Variants in CNTN4 observed in about 807,000 individuals in gnomAD.
CNTN4 encodes contactin 4.
In CNTN4, 77 loss-of-function variants were observed where a neutral mutation model predicts 122.5. That is an observed-to-expected ratio of 0.63 (90% CI 0.52 to 0.76). The LOEUF is 0.76. CNTN4 is among the 30% of genes least tolerant of loss of function. CNTN4 has a pLI of 0.00. For synonymous variants in CNTN4, 512 were observed against 447.0 expected, an observed-to-expected ratio of 1.15 and a Z score of -1.83; for missense variants, 1,256 against 1,259.1, an observed-to-expected ratio of 1.00 and a Z score of 0.04.
chr3:2,497,898 A>C (rs1249308417), intron 3 of CNTN4, among the ~76,000 whole-genome samples: 6 of 152,062 alleles, frequency 3.9e-5, no homozygotes, highest in Non-Finnish European at 5.9e-5. Flanking sequence ...ATAGACCATA[A>C]ATATGAGTTG....
intron 6 of CNTN4, among the ~76,000 whole-genome samples, chr3:2,781,644 A>G (rs2091570381): frequency 6.6e-6 from 1 of 151,812 alleles, no homozygotes; most frequent in East Asian, 1.9e-4. Context: ...AAATACATTT[A>G]AGAAATACAT....
rs191334019 is a variant in CNTN4, at chr3:2,289,681, C to T, written c.-144-49497C>T. Among the ~76,000 whole-genome samples the T allele has an allele frequency of 8.2e-4, 124 of 152,110 alleles. No homozygotes were observed. In the Middle Eastern group the frequency reaches 0.014, roughly 17 times the overall value. ...CTACCTTTCAACCTTCAGTGCTTCCCGCTTCCCCGTATAAATATAAGAGAA... is the reference window on the plus strand; with the variant it reads ...CTACCTTTCAACCTTCAGTGCTTCCTGCTTCCCCGTATAAATATAAGAGAA... On this transcript the variant is annotated intron_variant, in intron 2 of 24. Coordinates refer to ENST00000418658, the MANE Select transcript of CNTN4 (RefSeq NM_175607.3).
At chr3:2,859,277 T>C (rs1357091350) in intron 7 of CNTN4, among the ~76,000 whole-genome samples, 1 of 152,236 alleles carries the variant, frequency 6.6e-6, no homozygotes, top group Non-Finnish European at 1.5e-5. Context: ...ACTGTGTATA[T>C]ATATCACATT....
chr3:2,625,363 C>G (rs949483981), intron 4 of CNTN4, among the ~76,000 whole-genome samples: 2 of 152,178 alleles, frequency 1.3e-5, no homozygotes, highest in African/African-American at 4.8e-5. Context: ...AGAATACTTA[C>G]AAAGTATACC....
At chr3:2,210,910 C>A (rs2038588133) in intron 2 of CNTN4, among the ~76,000 whole-genome samples, 1 of 152,136 alleles carries the variant, frequency 6.6e-6, no homozygotes, top group Non-Finnish European at 1.5e-5. Context: ...GTTTGTCAAA[C>A]AATTATGTTT....
chr3:2,835,792 T>C (rs1401487364), intron 7 of CNTN4, among the ~76,000 whole-genome samples: 1 of 152,108 alleles, frequency 6.6e-6, no homozygotes, highest in East Asian at 1.9e-4. Flanking sequence ...AACCTTAAAT[T>C]TGTTGTATAA....
chr3:2,170,996 C>T (rs1016181914), intron 2 of CNTN4, among the ~76,000 whole-genome samples: 12 of 152,116 alleles, frequency 7.9e-5, no homozygotes, highest in African/African-American at 2.4e-4. Flanking sequence ...TACTACTATA[C>T]GAAAATACAG....
rs555913922 is a variant in CNTN4 at position 2,106,855 on chromosome 3, A to G, written c.-145+6216A>G. 1.8e-4 allele frequency among the ~76,000 whole-genome samples: 27 copies of G among 152,304 alleles called. 1 individual carries two copies. The highest frequency in any genetic ancestry group is 6.3e-4 in the African/African-American group (26 of 41,572). On this transcript the variant is annotated intron_variant, in intron 2 of 24. Coordinates refer to ENST00000418658, the MANE Select transcript of CNTN4 (RefSeq NM_175607.3). ...TTTTTGCTCTGCTTCCCTTTTAAAC[A>G]TAATTTCTAATTTCAGATCATCACA...
At chr3:2,212,651 G>A (rs2038673521) in intron 2 of CNTN4, among the ~76,000 whole-genome samples, 2 of 152,056 alleles carry the variant, frequency 1.3e-5, no homozygotes, top group Admixed American at 6.5e-5. Context: ...ATTTGGATAG[G>A]GACACAGCCA....
intron 4 of CNTN4, among the ~76,000 whole-genome samples, chr3:2,600,734 T>G (rs1021154360): frequency 6.6e-6 from 1 of 152,194 alleles, no homozygotes; most frequent in African/African-American, 2.4e-5. Context: ...GATGGCTGGG[T>G]CAAACGGTAT....
At chr3:2,542,258 T>C (rs1270597468) in intron 3 of CNTN4, among the ~76,000 whole-genome samples, 3 of 152,138 alleles carry the variant, frequency 2.0e-5, no homozygotes, top group African/African-American at 7.2e-5. Flanking sequence ...ATCATTCTTA[T>C]CTCCTGGATA....
At chr3:2,439,875 C>T (rs35104429) in intron 3 of CNTN4, among the ~76,000 whole-genome samples, 36,181 of 152,032 alleles carry the variant, frequency 0.24, 5,012 homozygotes, top group Non-Finnish European at 0.33. Flanking sequence ...TTCACCAGAT[C>T]TTTAGCTCAA....
At chr3:2,557,543 C>G (rs554023962) in intron 3 of CNTN4, among the ~76,000 whole-genome samples, 1 of 152,130 alleles carries the variant, frequency 6.6e-6, no homozygotes, top group East Asian at 1.9e-4. Flanking sequence ...CTGGCTAACA[C>G]GGTGAAACCC....
intron 2 of CNTN4, among the ~76,000 whole-genome samples, chr3:2,260,922 G>A (rs1456885950): frequency 2.0e-5 from 3 of 151,742 alleles, no homozygotes; most frequent in Non-Finnish European, 4.4e-5. Context: ...GTAGAGACGA[G>A]GTTTCACCAT....
intron 3 of CNTN4, among the ~76,000 whole-genome samples, chr3:2,429,398 A>T (rs900544083): frequency 6.6e-6 from 1 of 152,190 alleles, no homozygotes; most frequent in Non-Finnish European, 1.5e-5. Context: ...GGAACAGCAA[A>T]TACTGCAGAA....
rs370931604 is a variant in CNTN4 at position 2,981,124 on chromosome 3, A to G, written c.1359-7221A>G. 1.1e-4 allele frequency among the ~76,000 whole-genome samples: 16 copies of G among 152,260 alleles called. No homozygotes were observed. In the East Asian group the frequency reaches 2.9e-3, roughly 28 times the overall value. ...CAAGCTGCTCTTTGTTAGAAAAGAA[A>G]ATGATTTAGGGGCTGCTTTTCGTTA... On this transcript the variant is annotated intron_variant, in intron 13 of 24. Coordinates refer to ENST00000418658, the MANE Select transcript of CNTN4 (RefSeq NM_175607.3).
chr3:3,045,583 G>T (rs959575895), intron 23 of CNTN4, among the ~76,000 whole-genome samples: 2 of 152,228 alleles, frequency 1.3e-5, no homozygotes, highest in African/African-American at 4.8e-5. Flanking sequence ...CTGTTAGAAG[G>T]AACACTAACA....
intron 4 of CNTN4, among the ~76,000 whole-genome samples, chr3:2,594,774 GTGTT>G (rs5846196): frequency 0.31 from 47,422 of 151,834 alleles, 7,525 homozygotes; most frequent in South Asian, 0.45. Context: ...ATGTGTATGT[GTGTT>G]TGTTTGTGTG....
chr3:2,437,981 T>C (rs148995270), intron 3 of CNTN4, among the ~76,000 whole-genome samples: 1,622 of 152,290 alleles, frequency 0.011, 16 homozygotes, highest in Non-Finnish European at 0.016. Flanking sequence ...GCATCAAAAT[T>C]GGTACTGCAT....
Sources: allele counts gnomAD v4.1 joint callset (sites outside exome capture counted in the v4.1 genomes callset), GRCh38; gene constraint gnomAD v4.1.1; transcripts MANE v1.5; gene names NCBI Gene and HGNC (gene_info 2026-07-23, HGNC 2026-07-21).